CHD7: variants seen among roughly 807,000 people sequenced by gnomAD.
CHD7 encodes chromodomain helicase DNA binding protein 7, also known as ATP-dependent chromatin remodeler CHD7.
Under a neutral mutation model 307.3 loss-of-function variants are expected in CHD7, and 24 were observed. That is an observed-to-expected ratio of 0.08 (90% confidence interval 0.06 to 0.11). The LOEUF (loss-of-function observed/expected upper bound fraction) is 0.11. Ranked by LOEUF, CHD7 falls within the 10% of genes least tolerant of loss-of-function variation. The pLI, the probability that CHD7 is intolerant of heterozygous loss-of-function variation, is 1.00. For missense variants in CHD7, 3,106 were observed against 3,727.1 expected (o/e 0.83, Z 4.34); for synonymous variants, 1,363 against 1,349.9 (o/e 1.01, Z -0.21).
intron 13 of CHD7, among the ~76,000 whole-genome samples, chr8:60,826,693 A>C (rs1043763006): frequency 5.9e-5 from 9 of 152,244 alleles, no homozygotes; most frequent in African/African-American, 2.2e-4. Context: ...ATTGAGGGGC[A>C]GTCACCATCT....
At chr8:60,734,798 A>G (rs1478461188) in intron 1 of CHD7, among the ~76,000 whole-genome samples, 2 of 152,214 alleles carry the variant, frequency 1.3e-5, no homozygotes, top group Non-Finnish European at 2.9e-5. Context: ...GCCTTCAAGC[A>G]TGCTGGAGCA....
intron 1 of CHD7, among the ~76,000 whole-genome samples, chr8:60,687,136 G>T (rs559071029): frequency 6.6e-6 from 1 of 152,266 alleles, no homozygotes; most frequent in South Asian, 2.1e-4. Context: ...TAGCAAATGT[G>T]CATATTATTT....
intron 1 of CHD7, among the ~76,000 whole-genome samples, chr8:60,714,193 A>AT (rs1291000435): frequency 6.6e-6 from 1 of 151,796 alleles, no homozygotes; most frequent in Non-Finnish European, 1.5e-5. Flanking sequence ...GGGGCGGGGC[A>AT]TCCCCTGGGC....
intron 2 of CHD7, among the ~76,000 whole-genome samples, chr8:60,763,220 T>C (rs942562756): frequency 6.6e-6 from 1 of 152,258 alleles, no homozygotes; most frequent in African/African-American, 2.4e-5. Context: ...TGTCAACATG[T>C]AATATTTAAC....
chr8:60,694,717 C>A (rs781218089), intron 1 of CHD7, among the ~76,000 whole-genome samples: 2 of 152,172 alleles, frequency 1.3e-5, no homozygotes, highest in Non-Finnish European at 2.9e-5. Context: ...CACTGCCACC[C>A]CCTGTTGCCC....
chr8:60,753,991 AT>A (rs1809768130), intron 2 of CHD7, among the ~76,000 whole-genome samples: 1 of 152,192 alleles, frequency 6.6e-6, no homozygotes, highest in Non-Finnish European at 1.5e-5. Context: ...CTAGAGTGGT[AT>A]TTCATACTGA....
At chr8:60,679,332 G>A (rs989197114) in intron 1 of CHD7, among the ~76,000 whole-genome samples, 2 of 145,522 alleles carry the variant, frequency 1.4e-5, no homozygotes, top group African/African-American at 4.9e-5. Flanking sequence ...GCCGCCCGGC[G>A]CCCCAACTTT....
Position 60,832,152 on chromosome 8 carries a change from G to T in CHD7, c.3778+1575G>T, listed in dbSNP as rs568302954. 2.7e-4 allele frequency among the ~76,000 whole-genome samples: 41 copies of T among 152,246 alleles called. No homozygotes were observed. In the South Asian group the frequency reaches 8.3e-3, roughly 31 times the overall value. On this transcript the variant is annotated intron_variant, in intron 15 of 37. Transcript: ENST00000423902. Reference sequence around the variant, plus strand: ...CCCTCCCACCTCAGCCTCCTGAGTAGCTGGGACTACAGGCATGCGCCACAA... The same window carrying T: ...CCCTCCCACCTCAGCCTCCTGAGTATCTGGGACTACAGGCATGCGCCACAA...
At chr8:60,847,346 T>A (rs949545405) in intron 23 of CHD7, among the ~76,000 whole-genome samples, 3 of 152,202 alleles carry the variant, frequency 2.0e-5, no homozygotes, top group Admixed American at 6.5e-5. Context: ...AAGACCTAGT[T>A]CCAGTTGTGC....
At chr8:60,826,863 A>G (rs1804274924) in intron 13 of CHD7, among the ~76,000 whole-genome samples, 1 of 152,190 alleles carries the variant, frequency 6.6e-6, no homozygotes, top group Non-Finnish European at 1.5e-5. Flanking sequence ...AATGAAATTA[A>G]ATGGACATCA....
rs761757211 is a variant in CHD7, at chr8:60,852,228, A to G, written c.5875A>G (p.Ile1959Val). Residue 1959 changes from isoleucine to valine, a missense_variant, in exon 29 of 38, where the codon ATA becomes GTA. Physicochemically the swap from Ile to Val is conservative, Grantham distance 29. Coordinates refer to ENST00000423902, the MANE Select transcript of CHD7 (RefSeq NM_017780.4). Reference protein sequence around the residue: ...RALEAEREAIISEKRQKWTRR... With the variant: ...RALEAEREAIVSEKRQKWTRR... The stretch of plus-strand genomic sequence containing the variant: ...TCTGGAAGCGGAAAGGGAAGCTATT[A>G]TATCTGAGAAGCGGCAAAAGTGAGT... The G allele has an allele frequency of 1.9e-5, 31 of 1,613,064 alleles. No individual in the cohort carries two copies. The highest frequency in any genetic ancestry group is 2.5e-5 in the Non-Finnish European group (30 of 1,179,594).
At chr8:60,756,570 G>A (rs1252246203) in intron 2 of CHD7, among the ~76,000 whole-genome samples, 2 of 152,204 alleles carry the variant, frequency 1.3e-5, no homozygotes, top group African/African-American at 4.8e-5. Flanking sequence ...CCAGCTATCT[G>A]GGGGGCTGAG....
intron 2 of CHD7, among the ~76,000 whole-genome samples, chr8:60,762,376 C>A (rs536857738): frequency 2.0e-5 from 3 of 152,158 alleles, no homozygotes; most frequent in Admixed American, 2.0e-4. Context: ...GTCTCTGTTA[C>A]GATTATTGCT....
rs556496395 is a variant in CHD7 at position 60,858,616 on chromosome 8, G to T, written c.7608+1728G>T. Among the ~76,000 whole-genome samples, 6 of 152,242 alleles carry T rather than the reference G, an allele frequency of 3.9e-5. No individual in the cohort carries two copies. The East Asian group carries it at 9.6e-4, about 24-fold the overall frequency. ...TAGGTTTTTTTGTTTTTGAAACAGGGTTTGTTTTTGAGACAGGGTCTCACT... is the reference window on the plus strand; with the variant it reads ...TAGGTTTTTTTGTTTTTGAAACAGGTTTTGTTTTTGAGACAGGGTCTCACT... On this transcript the variant is annotated intron_variant, in intron 34 of 37. Transcript: ENST00000423902.
At chr8:60,762,306 A>C (rs953537419) in intron 2 of CHD7, among the ~76,000 whole-genome samples, 1 of 152,196 alleles carries the variant, frequency 6.6e-6, no homozygotes, top group African/African-American at 2.4e-5. Context: ...TATGTCTGCA[A>C]AGCCTCTGCT....
chr8:60,738,972 A>G (rs560808677), intron 1 of CHD7, among the ~76,000 whole-genome samples: 2 of 152,308 alleles, frequency 1.3e-5, no homozygotes, highest in African/African-American at 4.8e-5. Context: ...ACTCATGCGC[A>G]TAGGCAACTT....
chr8:60,848,489 T>A, intron 23 of CHD7, 26 bp from the exon 24 acceptor site: 1 of 1,578,564 alleles, frequency 6.3e-7, no homozygotes, highest in Non-Finnish European at 8.7e-7. Context: ...TTAAGAACTT[T>A]TTCCCCCCTC....
rs1554606375 is a variant in CHD7, at chr8:60,862,641, GT to G, written c.8067del (p.Lys2690SerfsTer19). ...AGTTGCTCCAGACTGGACTGATATA[GT>G]TAAGCAGTCTGTAAGTACAAACTGC... ...FAVAPDWTDI[V>X]KQSGFVPESM... On this transcript the variant is annotated frameshift_variant, in exon 37 of 38. Coordinates refer to ENST00000423902, the MANE Select transcript of CHD7 (RefSeq NM_017780.4). LOFTEE classifies it high-confidence loss of function. The G allele has an allele frequency of 6.4e-7, 1 of 1,560,150 alleles. No individual in the cohort carries two copies. Among genetic ancestry groups the G allele is most frequent in the East Asian group, 2.4e-5 (1 of 42,056 alleles).
chr8:60,756,868 T>C (rs958454552), intron 2 of CHD7, among the ~76,000 whole-genome samples: 1 of 152,226 alleles, frequency 6.6e-6, no homozygotes, highest in African/African-American at 2.4e-5. Context: ...TAAGCAAATA[T>C]ATTAAATGCC....
Sources: gnomAD v4.1 joint callset for allele counts (sites outside exome capture counted in the v4.1 genomes callset) on GRCh38, gnomAD v4.1.1 for gene constraint, MANE v1.5 for transcripts, NCBI Gene and HGNC (gene_info 2026-07-23, HGNC 2026-07-21) for gene names.